NCAM2: variants seen among roughly 807,000 people sequenced by gnomAD.
NCAM2 encodes the protein neural cell adhesion molecule 2, also known as N-CAM-2.
Under a neutral mutation model 98.1 loss-of-function variants are expected in NCAM2, and 30 were observed. That is an observed-to-expected ratio of 0.31 (90% confidence interval 0.23 to 0.41). NCAM2 has a LOEUF of 0.41. NCAM2 is among the 10% of genes least tolerant of loss of function. NCAM2 has a pLI of 1.00. For synonymous variants in NCAM2, 368 were observed against 342.4 expected (o/e 1.07, Z -0.83); for missense variants, 867 against 1,005.8 (o/e 0.86, Z 1.87).
chr21:21,043,421 C>T (rs1449412241), intron 1 of NCAM2, among the ~76,000 whole-genome samples: 1 of 152,088 alleles, frequency 6.6e-6, no homozygotes, highest in Non-Finnish European at 1.5e-5. Context: ...GATAGCCGCA[C>T]ATATGGCACC....
At chr21:21,534,212 T>C (rs751066832) in intron 16 of NCAM2, among the ~76,000 whole-genome samples, 1 of 152,070 alleles carries the variant, frequency 6.6e-6, no homozygotes. Flanking sequence ...ATGCTGTACA[T>C]TTTATTAACA....
intron 15 of NCAM2, among the ~76,000 whole-genome samples, chr21:21,497,675 A>G (rs949297543): frequency 6.6e-6 from 1 of 152,180 alleles, no homozygotes; most frequent in Admixed American, 6.5e-5. Context: ...ATGGAGACTC[A>G]GTACTGAAGA....
intron 1 of NCAM2, among the ~76,000 whole-genome samples, chr21:21,076,183 A>G (rs1320372040): frequency 6.6e-6 from 1 of 151,960 alleles, no homozygotes; most frequent in Non-Finnish European, 1.5e-5. Context: ...AGTATAATTT[A>G]TATTATAAGG....
chr21:21,479,247 C>A (rs1985545036), intron 15 of NCAM2, among the ~76,000 whole-genome samples: 1 of 151,846 alleles, frequency 6.6e-6, no homozygotes, highest in Non-Finnish European at 1.5e-5. Context: ...AGATTTTACA[C>A]AGATTACTAA....
intron 1 of NCAM2, among the ~76,000 whole-genome samples, chr21:21,264,215 A>G (rs766257217): frequency 1.3e-5 from 2 of 152,152 alleles, no homozygotes; most frequent in Non-Finnish European, 2.9e-5. Flanking sequence ...AAAAGAAGAC[A>G]TACAAGTGGC....
chr21:21,066,451 A>G (rs2146346413), intron 1 of NCAM2, among the ~76,000 whole-genome samples: 1 of 152,138 alleles, frequency 6.6e-6, no homozygotes, highest in East Asian at 1.9e-4. Flanking sequence ...CCTTTAAGGC[A>G]TTTAATTCAA....
chr21:21,499,596 T>C (rs984253078), intron 15 of NCAM2, among the ~76,000 whole-genome samples: 22 of 152,124 alleles, frequency 1.4e-4, no homozygotes, highest in Admixed American at 2.0e-4. Flanking sequence ...TAGGAAGGTT[T>C]TGTATAAAAG....
At chr21:21,466,960 C>T (rs372158138) in intron 13 of NCAM2, among the ~76,000 whole-genome samples, 49 of 151,998 alleles carry the variant, frequency 3.2e-4, no homozygotes, top group Non-Finnish European at 6.2e-4. Context: ...AAATTGTTCC[C>T]GGGAAATTGT....
At chr21:21,050,398 T>C (rs1453167346) in intron 1 of NCAM2, among the ~76,000 whole-genome samples, 1 of 152,200 alleles carries the variant, frequency 6.6e-6, no homozygotes, top group Non-Finnish European at 1.5e-5. Flanking sequence ...TTAACAGAAC[T>C]CTGGTAAGTC....
intron 1 of NCAM2, among the ~76,000 whole-genome samples, chr21:21,018,779 A>G (rs1163303881): frequency 6.6e-6 from 1 of 152,232 alleles, no homozygotes; most frequent in Non-Finnish European, 1.5e-5. Flanking sequence ...AAGAATGTTC[A>G]AATTAGAGAG....
intron 14 of NCAM2, 102 bp from the exon 15 acceptor site, chr21:21,477,189 A>G: frequency 1.2e-6 from 1 of 850,756 alleles, no homozygotes; most frequent in Admixed American, 3.4e-5. Flanking sequence ...TTGTTCCAAT[A>G]TCCAATATAA....
intron 1 of NCAM2, among the ~76,000 whole-genome samples, chr21:21,271,559 G>A (rs947378274): frequency 6.6e-6 from 1 of 152,068 alleles, no homozygotes; most frequent in Non-Finnish European, 1.5e-5. Context: ...AGCTATTTCT[G>A]TGCAGTGTGT....
At chr21:21,509,885 A>G (rs893732060) in intron 16 of NCAM2, among the ~76,000 whole-genome samples, 1 of 152,182 alleles carries the variant, frequency 6.6e-6, no homozygotes, top group Non-Finnish European at 1.5e-5. Context: ...GTTTGTATAC[A>G]TATACATGTG....
At chr21:21,517,844 GAAAAAT>G (rs1988798586) in intron 16 of NCAM2, among the ~76,000 whole-genome samples, 2 of 151,966 alleles carry the variant, frequency 1.3e-5, no homozygotes, top group Non-Finnish European at 2.9e-5. Context: ...TCCATCTCAA[GAAAAAT>G]AAAAATAAAG....
intron 1 of NCAM2, among the ~76,000 whole-genome samples, chr21:21,136,226 G>A (rs929742764): frequency 2.0e-5 from 3 of 152,098 alleles, no homozygotes; most frequent in African/African-American, 7.2e-5. Context: ...ATTTTCTTCT[G>A]ATACAGTTTG....
intron 8 of NCAM2, among the ~76,000 whole-genome samples, chr21:21,347,686 G>A (rs2075226075): frequency 6.6e-6 from 1 of 151,718 alleles, no homozygotes; most frequent in South Asian, 2.1e-4. Context: ...CTAAAACAAA[G>A]ACACATAAAA....
chr21:21,200,406 C>T (rs2069166738), intron 1 of NCAM2, among the ~76,000 whole-genome samples: 2 of 64,686 alleles, frequency 3.1e-5, no homozygotes, highest in Non-Finnish European at 9.0e-5. Flanking sequence ...CAACCCCATG[C>T]CTGAAAAAAA....
intron 1 of NCAM2, among the ~76,000 whole-genome samples, chr21:21,059,917 G>C (rs1218628305): frequency 6.6e-6 from 1 of 152,092 alleles, no homozygotes; most frequent in Non-Finnish European, 1.5e-5. Context: ...TGGTCTAGAA[G>C]TTAAAGGGCT....
chr21:21,284,149 A>G (rs758233482), intron 2 of NCAM2, 45 bp from the exon 3 acceptor site: 2 of 1,468,544 alleles, frequency 1.4e-6, no homozygotes, highest in Non-Finnish European at 1.9e-6. Context: ...TCAAACAAAT[A>G]TTTTTAACAA....
Sources: gnomAD v4.1 joint callset for allele counts (sites outside exome capture counted in the v4.1 genomes callset) on GRCh38, gnomAD v4.1.1 for gene constraint, MANE v1.5 for transcripts, NCBI Gene and HGNC (gene_info 2026-07-23, HGNC 2026-07-21) for gene names.